The following ATL2 variants were observed in gnomAD, a reference collection of about 807,000 sequenced individuals.
The protein encoded by ATL2 is atlastin-2.
A neutral mutation model predicts 73.9 loss-of-function variants in ATL2; 31 were observed. The observed-to-expected ratio is 0.42, with a 90% CI of 0.32 to 0.57. The LOEUF is 0.57. Ranked by LOEUF, ATL2 falls within the 20% of genes least tolerant of loss-of-function variation. The pLI is 0.14. For missense variants in ATL2, 738 were observed against 702.6 expected (o/e 1.05, Z -0.57); for synonymous variants, 291 against 237.5 (o/e 1.23, Z -2.07).
intron 1 of ATL2, chr2:38,354,325 A>C (rs1670537303): frequency 4.1e-6 from 1 of 244,254 alleles, no homozygotes. Context: ...AATAGTAAAC[A>C]GATACAAATA....
At chr2:38,336,835 G>C (rs551166912) in intron 2 of ATL2, among the ~76,000 whole-genome samples, 27 of 152,242 alleles carry the variant, frequency 1.8e-4, no homozygotes, top group African/African-American at 5.5e-4. Flanking sequence ...CAAGAATTCA[G>C]TAAAGATTCA....
At chr2:38,346,742 G>A (rs1465336373) in intron 1 of ATL2, among the ~76,000 whole-genome samples, 1 of 152,174 alleles carries the variant, frequency 6.6e-6, no homozygotes, top group Non-Finnish European at 1.5e-5. Flanking sequence ...TCGCTCGCCT[G>A]CTACTCCCCT....
At chr2:38,325,731 C>CCAGT (rs1266969802) in intron 2 of ATL2, among the ~76,000 whole-genome samples, 4 of 118,852 alleles carry the variant, frequency 3.4e-5, no homozygotes, top group Non-Finnish European at 4.7e-5. Context: ...CACACACACA[C>CCAGT]ACACACACAC....
At chr2:38,296,382 T>A in intron 12 of ATL2, 1 of 1,512,054 alleles carries the variant, frequency 6.6e-7, no homozygotes, top group Non-Finnish European at 8.9e-7. Context: ...AAATCTGGTA[T>A]GTATACAGCA....
chr2:38,309,561 T>G (rs1268702238), intron 8 of ATL2, 55 bp from the exon 9 acceptor site: 1 of 1,518,554 alleles, frequency 6.6e-7, no homozygotes, highest in Non-Finnish European at 8.9e-7. Context: ...AGGTCCCCAC[T>G]GGTACGATTT....
At position 38,370,072 on chromosome 2, in the gene ATL2, T is replaced by C. The variant is rs142242998; in HGVS notation, c.118+7071A>G. Reference sequence around the variant, plus strand: ...GGGAGGCTCAGGCAGAAGAATGGCGTGAACCCCGGGGGGCGGAGCCTGCAG... The same window carrying C: ...GGGAGGCTCAGGCAGAAGAATGGCGCGAACCCCGGGGGGCGGAGCCTGCAG... On this transcript the variant is annotated intron_variant, in intron 1 of 12. Transcript: ENST00000378954. 8.9e-4 allele frequency among the ~76,000 whole-genome samples: 120 copies of C among 135,412 alleles called. 2 individuals are homozygous for C. The highest frequency in any genetic ancestry group is 3.3e-3 in the African/African-American group (117 of 35,092). 88.8% of individuals were successfully genotyped at this position (135,412 alleles called of 152,430 possible). A position where few individuals can be genotyped will look rare whatever the true frequency, so the allele number is the denominator to read the frequency against.
At chr2:38,317,922 G>T (rs1668112496) in intron 4 of ATL2, among the ~76,000 whole-genome samples, 1 of 152,128 alleles carries the variant, frequency 6.6e-6, no homozygotes, top group Non-Finnish European at 1.5e-5. Flanking sequence ...ACCATGCATG[G>T]AAATGTAAAT....
intron 1 of ATL2, among the ~76,000 whole-genome samples, chr2:38,375,105 TAAAAG>T (rs1424049139): frequency 1.3e-5 from 2 of 152,192 alleles, no homozygotes; most frequent in Non-Finnish European, 2.9e-5. Context: ...CCTACATTCC[TAAAAG>T]AATAAACACA....
chr2:38,313,485 C>A (rs1343767205), intron 6 of ATL2, among the ~76,000 whole-genome samples: 1 of 152,062 alleles, frequency 6.6e-6, no homozygotes, highest in Non-Finnish European at 1.5e-5. Context: ...GAAAGAGTCA[C>A]CACAAGCAGT....
chr2:38,368,247 CTTT>C (rs569726038), intron 1 of ATL2, among the ~76,000 whole-genome samples: 3 of 138,032 alleles, frequency 2.2e-5, no homozygotes. Context: ...AAAATAAGGA[CTTT>C]TTTTTTTTTT....
chr2:38,353,597 A>G (rs1670484890), intron 1 of ATL2, among the ~76,000 whole-genome samples: 1 of 152,238 alleles, frequency 6.6e-6, no homozygotes, highest in African/African-American at 2.4e-5. Context: ...AAGCTCAGCA[A>G]ACCTCCAGTA....
intron 2 of ATL2, among the ~76,000 whole-genome samples, chr2:38,323,765 A>T (rs140149151): frequency 1.1e-3 from 165 of 152,232 alleles, no homozygotes; most frequent in African/African-American, 3.9e-3. Context: ...CAAGCTGGAG[A>T]GCAATGGCAC....
chr2:38,321,882 T>A lies in ATL2; in HGVS notation c.364-2863A>T, dbSNP rs192318227. ...TGCACACCACCACACCTGGCTGATT[T>A]TGGTATTTTTTGTAGAGAGGGGGTT... On this transcript the variant is annotated intron_variant, in intron 2 of 12. Transcript: ENST00000378954. Among the ~76,000 whole-genome samples the A allele has an allele frequency of 8.9e-4, 136 of 152,124 alleles. 1 individual carries two copies. The highest frequency in any genetic ancestry group is 3.2e-3 in the African/African-American group (133 of 41,516).
intron 7 of ATL2, among the ~76,000 whole-genome samples, chr2:38,310,674 G>GT (rs1031589039): frequency 9.1e-6 from 1 of 110,096 alleles, no homozygotes; most frequent in African/African-American, 3.3e-5. Flanking sequence ...TTTCGCTCTT[G>GT]TTGCCCAGGC....
intron 1 of ATL2, among the ~76,000 whole-genome samples, chr2:38,349,076 G>A (rs529686894): frequency 0.11 from 15,756 of 149,954 alleles, 2,677 homozygotes; most frequent in African/African-American, 0.36. Context: ...CTGTTGGTGG[G>A]ACTGTAAACT....
At chr2:38,371,957 A>T (rs1671714283) in intron 1 of ATL2, among the ~76,000 whole-genome samples, 1 of 152,174 alleles carries the variant, frequency 6.6e-6, no homozygotes, top group African/African-American at 2.4e-5. Context: ...CCAAGCCTCC[A>T]TTCTAAATCC....
chr2:38,319,224 T>C (rs905325576), intron 2 of ATL2, among the ~76,000 whole-genome samples: 1 of 152,184 alleles, frequency 6.6e-6, no homozygotes, highest in African/African-American at 2.4e-5. Flanking sequence ...TCCTCCAAAC[T>C]CGAATCTTCT....
rs1666779320 is a variant in ATL2 at position 38,294,422 on chromosome 2, C to A, written c.*1572G>T. On this transcript the variant is annotated 3_prime_UTR_variant, in exon 13 of 13. Coordinates refer to ENST00000378954, the MANE Select transcript of ATL2 (RefSeq NM_001135673.4). Reference sequence around the variant, plus strand: ...CATTAGCCGGGAATGGTGGCACGCACCTGTAGTCCCAGCTACTCAGGAGGC... The same window carrying A: ...CATTAGCCGGGAATGGTGGCACGCAACTGTAGTCCCAGCTACTCAGGAGGC... Among the ~76,000 whole-genome samples, 3 of 152,162 alleles carry A rather than the reference C, an allele frequency of 2.0e-5. No individual in the cohort carries two copies. The highest frequency in any genetic ancestry group is 7.2e-5 in the African/African-American group (3 of 41,436).
intron 1 of ATL2, among the ~76,000 whole-genome samples, chr2:38,365,672 TCCCTTG>T (rs1334837257): frequency 6.3e-5 from 9 of 143,802 alleles, no homozygotes; most frequent in African/African-American, 2.7e-4. Flanking sequence ...GTACCTGTAG[TCCCTTG>T]GGAGTAGCTA....
Sources: allele counts gnomAD v4.1 joint callset (sites outside exome capture counted in the v4.1 genomes callset), GRCh38; gene constraint gnomAD v4.1.1; transcripts MANE v1.5; gene names NCBI Gene and HGNC (gene_info 2026-07-23, HGNC 2026-07-21).